CDK19: variants seen among roughly 807,000 people sequenced by gnomAD.
The protein encoded by CDK19 is cyclin-dependent kinase 19.
CDK19 carries 20 observed loss-of-function variants against 68.3 expected under a neutral mutation model. That is an observed-to-expected ratio of 0.29 (90% confidence interval 0.21 to 0.43). The LOEUF is 0.43. CDK19 is among the 20% of genes least tolerant of loss of function. CDK19 has a pLI of 1.00. For missense variants in CDK19, 339 were observed against 623.5 expected (o/e 0.54, Z 4.86); for synonymous variants, 221 against 222.8 (o/e 0.99, Z 0.07).
At chr6:110,663,401 C>T (rs1781732218) in intron 4 of CDK19, among the ~76,000 whole-genome samples, 1 of 152,176 alleles carries the variant, frequency 6.6e-6, no homozygotes, top group Non-Finnish European at 1.5e-5. Context: ...ATAAAGCAAG[C>T]ATACAGTTTA....
At chr6:110,635,394 G>T (rs1299497498) in intron 5 of CDK19, among the ~76,000 whole-genome samples, 1 of 152,220 alleles carries the variant, frequency 6.6e-6, no homozygotes, top group African/African-American at 2.4e-5. Flanking sequence ...CCTGCAGGAT[G>T]AATTATTTTG....
At chr6:110,783,965 G>C (rs781523217) in intron 1 of CDK19, among the ~76,000 whole-genome samples, 1 of 151,926 alleles carries the variant, frequency 6.6e-6, no homozygotes, top group Non-Finnish European at 1.5e-5. Flanking sequence ...TTCGAGACCA[G>C]CCTGGCCAAC....
chr6:110,718,238 A>G (rs1775554702), intron 2 of CDK19, among the ~76,000 whole-genome samples: 1 of 152,204 alleles, frequency 6.6e-6, no homozygotes, highest in African/African-American at 2.4e-5. Flanking sequence ...CAGTGGGCTG[A>G]TGTATAAAGC....
At chr6:110,616,337 C>G (rs1000352490) in intron 12 of CDK19, among the ~76,000 whole-genome samples, 5 of 152,068 alleles carry the variant, frequency 3.3e-5, no homozygotes, top group Admixed American at 2.6e-4. Flanking sequence ...ATATCTGGTC[C>G]AAGATAACAG....
chr6:110,734,211 T>G (rs991547340), intron 2 of CDK19, among the ~76,000 whole-genome samples: 1 of 152,092 alleles, frequency 6.6e-6, no homozygotes, highest in Admixed American at 6.6e-5. Flanking sequence ...GGTTTCGCCA[T>G]GTTGCCTAGG....
intron 2 of CDK19, among the ~76,000 whole-genome samples, chr6:110,688,616 C>A (rs1772710270): frequency 6.6e-6 from 1 of 152,274 alleles, no homozygotes; most frequent in Admixed American, 6.5e-5. Flanking sequence ...AGATATACAT[C>A]CCCACCAGGG....
At chr6:110,764,597 C>G (rs1779445474) in intron 1 of CDK19, among the ~76,000 whole-genome samples, 1 of 152,122 alleles carries the variant, frequency 6.6e-6, no homozygotes, top group South Asian at 2.1e-4. Flanking sequence ...GACCTTACAC[C>G]CTGCACAAAA....
chr6:110,632,277 A>G (rs1309354053), intron 5 of CDK19, 116 bp from the exon 6 acceptor site: 1 of 721,092 alleles, frequency 1.4e-6, no homozygotes, highest in Non-Finnish European at 2.3e-6. Context: ...AAGGTTGACA[A>G]CAATAGCTGC....
intron 4 of CDK19, among the ~76,000 whole-genome samples, chr6:110,662,819 T>C (rs1781698586): frequency 6.6e-6 from 1 of 152,220 alleles, no homozygotes. Context: ...TATAGACTTA[T>C]GCCTCTACTT....
intron 2 of CDK19, among the ~76,000 whole-genome samples, chr6:110,702,669 TA>T (rs902946000): frequency 1.3e-5 from 2 of 151,960 alleles, no homozygotes; most frequent in Non-Finnish European, 1.5e-5. Context: ...ACTTGGGGGT[TA>T]AAAAAATAAG....
In CDK19 at chr6:110,746,208, A is replaced by G; in HGVS notation, c.129-7T>C. On this transcript the variant is annotated splice_region_variant and splice_polypyrimidine_tract_variant and intron_variant, in intron 1 of 12. Coordinates refer to ENST00000368911, the MANE Select transcript of CDK19 (RefSeq NM_015076.5). ...ATATTCCTTTTCATCTTTTCTGCACATAAACAAAAAAACATCATTTTTCCA... is the reference window on the plus strand; with the variant it reads ...ATATTCCTTTTCATCTTTTCTGCACGTAAACAAAAAAACATCATTTTTCCA... 6.4e-7 allele frequency: 1 copy of G among 1,566,300 alleles called. No individual in the cohort carries two copies. Among genetic ancestry groups the G allele is most frequent in the Middle Eastern group, 1.7e-4 (1 of 5,956 alleles).
intron 4 of CDK19, chr6:110,646,011 G>C (rs1243767737): frequency 9.8e-7 from 1 of 1,023,916 alleles, no homozygotes; most frequent in Non-Finnish European, 1.5e-6. Flanking sequence ...CAAGCAGGGT[G>C]TGCGGTCGCG....
intron 1 of CDK19, among the ~76,000 whole-genome samples, chr6:110,773,306 C>G (rs1284158629): frequency 6.6e-6 from 1 of 150,594 alleles, no homozygotes; most frequent in Non-Finnish European, 1.5e-5. Flanking sequence ...GATCGCACCA[C>G]TGCACTCCAG....
At chr6:110,650,843 G>A (rs992498428) in intron 4 of CDK19, among the ~76,000 whole-genome samples, 1 of 152,182 alleles carries the variant, frequency 6.6e-6, no homozygotes, top group African/African-American at 2.4e-5. Flanking sequence ...AAATGGTTCT[G>A]TTTTCATCCA....
At chr6:110,801,108 T>TA (rs1033773061) in intron 1 of CDK19, among the ~76,000 whole-genome samples, 36 of 152,088 alleles carry the variant, frequency 2.4e-4, no homozygotes, top group Admixed American at 1.3e-4. Context: ...AGTTTCAGGA[T>TA]AAAAAATCAA....
chr6:110,688,859 T>C (rs549568004), intron 2 of CDK19, among the ~76,000 whole-genome samples: 16 of 152,166 alleles, frequency 1.1e-4, no homozygotes, highest in African/African-American at 2.7e-4. Context: ...AATTTCACAA[T>C]GTAACCTCAA....
intron 2 of CDK19, among the ~76,000 whole-genome samples, chr6:110,703,615 G>A (rs746285468): frequency 1.3e-5 from 2 of 152,090 alleles, no homozygotes; most frequent in Non-Finnish European, 2.9e-5. Flanking sequence ...CAAATAAGGA[G>A]GACTACTTGA....
intron 1 of CDK19, among the ~76,000 whole-genome samples, chr6:110,811,896 TA>T (rs1241403416): frequency 2.0e-5 from 3 of 147,906 alleles, no homozygotes; most frequent in African/African-American, 7.7e-5. Flanking sequence ...TTTTTTTTTT[TA>T]AAGTAAAAGA....
intron 2 of CDK19, among the ~76,000 whole-genome samples, chr6:110,682,153 C>G (rs1213054783): frequency 6.6e-6 from 1 of 152,208 alleles, no homozygotes; most frequent in Non-Finnish European, 1.5e-5. Context: ...TCTTATACTT[C>G]AATTACTCAC....
Sources: gnomAD v4.1 joint callset for allele counts (sites outside exome capture counted in the v4.1 genomes callset) on GRCh38, gnomAD v4.1.1 for gene constraint, MANE v1.5 for transcripts, NCBI Gene and HGNC (gene_info 2026-07-23, HGNC 2026-07-21) for gene names.